Variants in SIL1 observed in about 807,000 individuals in gnomAD.
SIL1 encodes SIL1 nucleotide exchange factor.
A neutral mutation model predicts 49.1 loss-of-function variants in SIL1; 40 were observed. The ratio of observed to expected loss-of-function variants is 0.81; its 90% CI spans 0.63 to 1.06. SIL1 has a LOEUF of 1.06. Ranked by LOEUF, SIL1 falls within the 50% of genes least tolerant of loss-of-function variation. SIL1 has a pLI of 0.00. For missense variants in SIL1, 500 were observed against 572.6 expected, an observed-to-expected ratio of 0.87 and a Z score of 1.29; for synonymous variants, 253 against 250.8, an observed-to-expected ratio of 1.01 and a Z score of -0.08.
At chr5:139,190,912 A>G (rs1394567687) in intron 1 of SIL1, among the ~76,000 whole-genome samples, 3 of 152,182 alleles carry the variant, frequency 2.0e-5, no homozygotes, top group Non-Finnish European at 2.9e-5. Flanking sequence ...CCCCATGAGT[A>G]TGAGATGGGG....
rs1294722717 is a variant in SIL1, at chr5:139,171,249, G to A, written c.-11+27020C>T. Among the ~76,000 whole-genome samples the A allele has an allele frequency of 3.9e-5, 6 of 152,278 alleles. No individual in the cohort carries two copies. The East Asian group carries it at 1.2e-3, about 29-fold the overall frequency. On this transcript the variant is annotated intron_variant, in intron 1 of 9. Coordinates refer to ENST00000394817, the MANE Select transcript of SIL1 (RefSeq NM_022464.5). ...GCCGGGATGACAATGGCGGTTTTGT[G>A]GAATAGAAAGGGGGGAAAGGTGGGG... is the stretch of plus-strand genomic sequence containing the variant.
chr5:139,177,969 T>A (rs1751917980), intron 1 of SIL1, among the ~76,000 whole-genome samples: 1 of 152,204 alleles, frequency 6.6e-6, no homozygotes, highest in Non-Finnish European at 1.5e-5. Flanking sequence ...TGGTCTAAGG[T>A]GAAGGGGGTA....
At chr5:139,080,027 T>C (rs1770038265) in intron 3 of SIL1, among the ~76,000 whole-genome samples, 1 of 152,066 alleles carries the variant, frequency 6.6e-6, no homozygotes, top group Non-Finnish European at 1.5e-5. Context: ...TTAAACAAAA[T>C]AATTTCTTAC....
intron 3 of SIL1, among the ~76,000 whole-genome samples, chr5:139,112,144 G>T (rs1770865457): frequency 6.6e-6 from 1 of 152,246 alleles, no homozygotes; most frequent in African/African-American, 2.4e-5. Flanking sequence ...AGTTCACTCA[G>T]TGCTCAATGT....
chr5:139,191,518 A>G (rs573384068), intron 1 of SIL1, among the ~76,000 whole-genome samples: 2 of 151,974 alleles, frequency 1.3e-5, no homozygotes, highest in African/African-American at 4.8e-5. Flanking sequence ...GGTGGCTCAC[A>G]CTTGTAATCC....
chr5:138,965,991 C>T (rs772035537), intron 7 of SIL1, among the ~76,000 whole-genome samples: 1 of 151,876 alleles, frequency 6.6e-6, no homozygotes, highest in African/African-American at 2.4e-5. Context: ...TAAAAGTATC[C>T]CATTTTGGAC....
rs1767904104 is a variant in SIL1, at chr5:138,997,848, T to C, written c.767+23323A>G. Among the ~76,000 whole-genome samples the C allele has an allele frequency of 1.3e-5, 2 of 152,238 alleles. 1 individual carries two copies. The highest frequency in any genetic ancestry group is 1.3e-4 in the Admixed American group (2 of 15,278). On this transcript the variant is annotated intron_variant, in intron 7 of 9. Coordinates refer to ENST00000394817, the MANE Select transcript of SIL1 (RefSeq NM_022464.5). Reference sequence around the variant, plus strand: ...TGCTGGGATTACAGGCATAAGCCACTGTGCCCAGCCAACTTTGTACTATAT... The same window carrying C: ...TGCTGGGATTACAGGCATAAGCCACCGTGCCCAGCCAACTTTGTACTATAT...
intron 1 of SIL1, among the ~76,000 whole-genome samples, chr5:139,165,418 G>A (rs898134214): frequency 1.3e-5 from 2 of 151,704 alleles, no homozygotes; most frequent in South Asian, 2.1e-4. Flanking sequence ...GTGTGATCTC[G>A]GCTCACTGCA....
At chr5:139,063,086 G>T (rs908470602) in intron 3 of SIL1, among the ~76,000 whole-genome samples, 1 of 152,202 alleles carries the variant, frequency 6.6e-6, no homozygotes, top group African/African-American at 2.4e-5. Flanking sequence ...CAAGAAGCAG[G>T]GAGGCCACTT....
At chr5:139,181,057 TATAATG>T (rs1751974055) in intron 1 of SIL1, among the ~76,000 whole-genome samples, 1 of 152,254 alleles carries the variant, frequency 6.6e-6, no homozygotes. Flanking sequence ...AGCTGATTAT[TATAATG>T]ATAACTATTA....
intron 7 of SIL1, among the ~76,000 whole-genome samples, chr5:138,983,033 C>A (rs1767561893): frequency 6.6e-6 from 1 of 151,394 alleles, no homozygotes; most frequent in Admixed American, 6.6e-5. Flanking sequence ...ACCATCTCTG[C>A]TAAAAATACA....
intron 1 of SIL1, among the ~76,000 whole-genome samples, chr5:139,138,415 C>T (rs1214430387): frequency 1.1e-4 from 16 of 152,172 alleles, no homozygotes; most frequent in Admixed American, 1.0e-3. Context: ...AAGATACAGA[C>T]AAGGGGACCT....
chr5:139,131,372 AGC>A (rs1750859640), intron 1 of SIL1, among the ~76,000 whole-genome samples: 1 of 151,950 alleles, frequency 6.6e-6, no homozygotes, highest in South Asian at 2.1e-4. Flanking sequence ...TGGGACCCAA[AGC>A]GTGCCTGAAC....
chr5:139,146,749 T>C (rs1751203836), intron 1 of SIL1, among the ~76,000 whole-genome samples: 1 of 152,304 alleles, frequency 6.6e-6, no homozygotes, highest in East Asian at 1.9e-4. Context: ...AAGATGATCA[T>C]ATAGTTTTAC....
chr5:139,011,524 G>C (rs1315499519), intron 7 of SIL1, among the ~76,000 whole-genome samples: 1 of 152,196 alleles, frequency 6.6e-6, no homozygotes, highest in Non-Finnish European at 1.5e-5. Context: ...AATAGAGACA[G>C]GTTCTCGCTT....
At chr5:139,021,090 A>T in intron 7 of SIL1, 81 bp downstream of exon 7, 8 of 1,576,632 alleles carry the variant, frequency 5.1e-6, no homozygotes, top group Non-Finnish European at 7.0e-6. Flanking sequence ...CAGTAGCAAC[A>T]GGCACATTCA....
chr5:139,062,510 C>G (rs961621878), intron 3 of SIL1, among the ~76,000 whole-genome samples: 6 of 152,148 alleles, frequency 3.9e-5, no homozygotes, highest in Admixed American at 3.9e-4. Flanking sequence ...AACAGCTACC[C>G]TGACAGCTCC....
chr5:139,135,398 C>G (rs888963369), intron 1 of SIL1, among the ~76,000 whole-genome samples: 3 of 152,134 alleles, frequency 2.0e-5, no homozygotes, highest in African/African-American at 4.8e-5. Context: ...GGATCCAAGC[C>G]TCTGCCTAAC....
chr5:138,952,114 C>G (rs1469069933), intron 7 of SIL1, among the ~76,000 whole-genome samples: 1 of 152,252 alleles, frequency 6.6e-6, no homozygotes. Context: ...TGCCAGCCCC[C>G]ACTCCCCAGC....
Sources: gnomAD v4.1 joint callset for allele counts (sites outside exome capture counted in the v4.1 genomes callset) on GRCh38, gnomAD v4.1.1 for gene constraint, MANE v1.5 for transcripts, NCBI Gene and HGNC (gene_info 2026-07-23, HGNC 2026-07-21) for gene names.